The following CYP2F1 variants were observed in gnomAD, a reference collection of about 807,000 sequenced individuals.
The protein encoded by CYP2F1 is cytochrome P450 2F1.
A neutral mutation model predicts 40.4 loss-of-function variants in CYP2F1; 33 were observed. The ratio of observed to expected loss-of-function variants is 0.82; its 90% CI spans 0.62 to 1.09. The LOEUF is 1.09. Ranked by LOEUF, CYP2F1 falls within the 50% of genes least tolerant of loss-of-function variation. The pLI is 0.00. For missense variants in CYP2F1, 566 were observed against 655.7 expected (o/e 0.86, Z 1.49); for synonymous variants, 235 against 277.2 (o/e 0.85, Z 1.51).
At chr19:41,117,410 G>A (rs2031884721) in intron 3 of CYP2F1, among the ~76,000 whole-genome samples, 2 of 151,966 alleles carry the variant, frequency 1.3e-5, no homozygotes, top group Admixed American at 1.3e-4. Context: ...GGGATTACAG[G>A]CAAGAGCCAC....
chr19:41,121,542 A>G lies in CYP2F1; in HGVS notation c.569A>G (p.Tyr190Cys). 1.9e-6 allele frequency: 3 copies of G among 1,609,804 alleles called. No homozygotes were observed. The highest frequency in any genetic ancestry group is 1.7e-4 in the Middle Eastern group (1 of 6,044). Residue 190 changes from tyrosine to cysteine, a missense_variant, in exon 5 of 10, where the codon TAT becomes TGT. Around this residue, in one of 5 missense-constraint regions of CYP2F1, gnomAD observed 264 missense variants for 275.7 expected, o/e 0.96. Coordinates refer to ENST00000331105, the MANE Select transcript of CYP2F1 (RefSeq NM_000774.5). ...GTGCTCTTCGGCAGCCGCTTCGACTATGATGATGAGCGTCTGCTCACCATT... is the reference window on the plus strand; with the variant it reads ...GTGCTCTTCGGCAGCCGCTTCGACTGTGATGATGAGCGTCTGCTCACCATT... ...CSVLFGSRFD[Y>C]DDERLLTIIR...
chr19:41,114,872 C>A (rs766830926), intron 1 of CYP2F1, among the ~76,000 whole-genome samples: 2 of 143,574 alleles, frequency 1.4e-5, no homozygotes, highest in Non-Finnish European at 3.0e-5. Context: ...TGGGTTCAAG[C>A]GATTCTCCTG....
intron 8 of CYP2F1, 69 bp downstream of exon 8, chr19:41,124,975 G>A: frequency 7.2e-7 from 1 of 1,392,120 alleles, no homozygotes; most frequent in Non-Finnish European, 9.7e-7. Context: ...GCACTGGCAA[G>A]GAGTATCCCA....
Position 41,122,972 on chromosome 19 carries a change from C to A in CYP2F1, c.964+9C>A. 1 of 1,611,382 alleles carries A rather than the reference C, an allele frequency of 6.2e-7. No homozygotes were observed. Among genetic ancestry groups the A allele is most frequent in the Non-Finnish European group, 8.5e-7 (1 of 1,178,812 alleles). ...GTACCCAAAAGTTCAAGGTGAGGCCCACCCACACAGCAGCGTGGAGGTGCC... is the reference window on the plus strand; with the variant it reads ...GTACCCAAAAGTTCAAGGTGAGGCCAACCCACACAGCAGCGTGGAGGTGCC... On this transcript the variant is annotated intron_variant, in intron 7 of 9. Coordinates refer to ENST00000331105, the MANE Select transcript of CYP2F1 (RefSeq NM_000774.5).
intron 5 of CYP2F1, 130 bp from the exon 6 acceptor site, chr19:41,121,827 C>G (rs2032228364): frequency 9.5e-7 from 1 of 1,054,626 alleles, no homozygotes. Flanking sequence ...CCCCCTCAGC[C>G]CCAACCCCCA....
Position 41,128,322 on chromosome 19 carries a change from C to A in CYP2F1, c.*240C>A. On this transcript the variant is annotated 3_prime_UTR_variant, in exon 10 of 10. Transcript: ENST00000331105. ...AGCTTGTTCTATGGCACGCCCTTTT[C>A]TAGGCTTTTTGTATCATTTCTTAGT... The A allele has an allele frequency of 2.2e-6, 1 of 462,802 alleles. No individual in the cohort carries two copies. The highest frequency in any genetic ancestry group is 4.3e-5 in the South Asian group (1 of 23,228). The allele number at this position is 462,802 out of a possible 1,614,324, so 28.7% of individuals were successfully genotyped here.
rs996901759 is a variant in CYP2F1, at chr19:41,121,343, G to A, written c.485-115G>A. The A allele has an allele frequency of 3.8e-5, 41 of 1,083,322 alleles. 1 individual carries two copies. Among genetic ancestry groups the A allele is most frequent in the South Asian group, 2.1e-4 (14 of 68,034 alleles). The allele number at this position is 1,083,322 out of a possible 1,614,324, so 67.1% of individuals were successfully genotyped here. On this transcript the variant is annotated intron_variant, in intron 4 of 9. Coordinates refer to ENST00000331105, the MANE Select transcript of CYP2F1 (RefSeq NM_000774.5). ...GTGACCATGTCCCCGTGTTTGCACCGTAAGACACGTTGCCATGGTTGAGTC... is the reference window on the plus strand; with the variant it reads ...GTGACCATGTCCCCGTGTTTGCACCATAAGACACGTTGCCATGGTTGAGTC...
intron 3 of CYP2F1, among the ~76,000 whole-genome samples, chr19:41,119,738 TATATATATATACACACAC>T (rs2032053217): frequency 2.7e-5 from 2 of 73,340 alleles, no homozygotes; most frequent in African/African-American, 1.1e-4. Flanking sequence ...TATATATATA[TATATATATATACACACAC>T]ACACACACAC....
chr19:41,114,786 CTCTTTT>C (rs2031691159), intron 1 of CYP2F1, among the ~76,000 whole-genome samples: 2 of 126,552 alleles, frequency 1.6e-5, no homozygotes, highest in South Asian at 2.4e-4. Flanking sequence ...CTCTCTCTCT[CTCTTTT>C]TTTTTTTTTT....
At chr19:41,115,691 TGATAGATA>T (rs372216849) in intron 1 of CYP2F1, among the ~76,000 whole-genome samples, 4 of 151,412 alleles carry the variant, frequency 2.6e-5, no homozygotes, top group South Asian at 2.1e-4. Context: ...AGATGATAGA[TGATAGATA>T]GATAGATAGA....
chr19:41,115,596 A>G (rs1054775134), intron 1 of CYP2F1, among the ~76,000 whole-genome samples: 4 of 152,202 alleles, frequency 2.6e-5, no homozygotes, highest in Admixed American at 2.0e-4. Context: ...TAGTAGATAG[A>G]TGATAGATAT....
At position 41,124,612 on chromosome 19, in the gene CYP2F1, G is replaced by A. The variant is rs2032437570; in HGVS notation, c.965-107G>A. The A allele has an allele frequency of 3.7e-6, 4 of 1,069,252 alleles. No homozygotes were observed. In the South Asian group the frequency reaches 4.8e-5, roughly 13 times the overall value. 66.2% of individuals were successfully genotyped at this position (1,069,252 alleles called of 1,614,324 possible). A position where few individuals can be genotyped will look rare whatever the true frequency, so the allele number is the denominator to read the frequency against. On this transcript the variant is annotated intron_variant, in intron 7 of 9. Transcript: ENST00000331105. Reference sequence around the variant, plus strand: ...CCCCAGCAGTGGCGCCCCGCGCTGGGAGACTTTGACTAGACGCCTCCCCAC... The same window carrying A: ...CCCCAGCAGTGGCGCCCCGCGCTGGAAGACTTTGACTAGACGCCTCCCCAC...
At chr19:41,122,429 C>T (rs1384197343) in intron 6 of CYP2F1, among the ~76,000 whole-genome samples, 1 of 151,918 alleles carries the variant, frequency 6.6e-6, no homozygotes, top group African/African-American at 2.4e-5. Context: ...TCCAGGAGTT[C>T]GAGACCAGCC....
intron 3 of CYP2F1, among the ~76,000 whole-genome samples, chr19:41,119,683 GTCTCTC>G (rs1159535426): frequency 0.011 from 147 of 13,374 alleles, 2 homozygotes; most frequent in South Asian, 0.015. Context: ...GCAAGACTCC[GTCTCTC>G]TCTCTCTCTC....
At chr19:41,120,560 C>A in intron 4 of CYP2F1, 64 bp downstream of exon 4, 1 of 1,567,220 alleles carries the variant, frequency 6.4e-7, no homozygotes, top group Non-Finnish European at 8.7e-7. Flanking sequence ...GGCTGGATGG[C>A]AGCCTTGACC....
chr19:41,119,619 G>C (rs1377535290), intron 3 of CYP2F1, among the ~76,000 whole-genome samples: 1 of 150,638 alleles, frequency 6.6e-6, no homozygotes, highest in Non-Finnish European at 1.5e-5. Context: ...AACCCGGGAG[G>C]CGGAGGTTGC....
chr19:41,125,789 G>A (rs2032521791), intron 9 of CYP2F1, 155 bp downstream of exon 9: 9 of 1,506,966 alleles, frequency 6.0e-6, no homozygotes, highest in Non-Finnish European at 8.1e-6. Flanking sequence ...GCTCCTATAG[G>A]CAAGTAGTGA....
At chr19:41,121,805 C>G (rs976017565) in intron 5 of CYP2F1, 152 bp from the exon 6 acceptor site, 1 of 1,056,348 alleles carries the variant, frequency 9.5e-7, no homozygotes, top group Admixed American at 2.5e-5. Flanking sequence ...CCGCCATTGC[C>G]TCCTTCCCAC....
At chr19:41,119,748 T>TATATATATAAACACACACAC (rs1337166345) in intron 3 of CYP2F1, among the ~76,000 whole-genome samples, 1 of 36,076 alleles carries the variant, frequency 2.8e-5, no homozygotes. Context: ...TATATATATA[T>TATATATATAAACACACACAC]ACACACACAC....
Sources: gnomAD v4.1 joint callset for allele counts (sites outside exome capture counted in the v4.1 genomes callset) on GRCh38, gnomAD v4.1.1 for gene constraint, gnomAD v4.1.1 regional missense constraint, MANE v1.5 for transcripts, NCBI Gene and HGNC (gene_info 2026-07-23, HGNC 2026-07-21) for gene names.